TEX36: variants seen among roughly 807,000 people sequenced by gnomAD.
TEX36 encodes testis expressed 36.
TEX36 carries 12 observed loss-of-function variants against 13.6 expected under a neutral mutation model. The observed-to-expected ratio is 0.88, with a 90% CI of 0.56 to 1.43. The LOEUF (loss-of-function observed/expected upper bound fraction) is 1.43. Ranked by LOEUF, TEX36 falls within the 40% of genes most tolerant of loss-of-function variation. The pLI is 0.00. For missense variants in TEX36, 224 were observed against 228.3 expected, an observed-to-expected ratio of 0.98 and a Z score of 0.12; for synonymous variants, 93 against 83.0, an observed-to-expected ratio of 1.12 and a Z score of -0.65.
At chr10:125,643,365 T>C (rs933699288) in intron 3 of TEX36, among the ~76,000 whole-genome samples, 2 of 152,084 alleles carry the variant, frequency 1.3e-5, no homozygotes, top group Admixed American at 6.6e-5. Context: ...CCCAGCACAT[T>C]GGGAGGCTGA....
rs1275982151 is a variant in TEX36, at chr10:125,673,729, AAAAAG to A, written c.51+9205_51+9209del. Among the ~76,000 whole-genome samples, 769 of 151,610 alleles carry A rather than the reference AAAAAG, an allele frequency of 5.1e-3. 10 individuals are homozygous for A. The highest frequency in any genetic ancestry group is 0.018 in the African/African-American group (728 of 41,178). On this transcript the variant is annotated intron_variant, in intron 1 of 3. Transcript: ENST00000368821. ...CTCTCTCAAAAAAAAAAAAAAAAAA[AAAAAG>A]GTTGAATATTGACCCCCAGTCTCTT... is the stretch of plus-strand genomic sequence containing the variant.
chr10:125,606,305 C>T (rs1045898966), intron 3 of TEX36, among the ~76,000 whole-genome samples: 1 of 152,242 alleles, frequency 6.6e-6, no homozygotes, highest in Admixed American at 6.5e-5. Flanking sequence ...CCGTAGACCA[C>T]ATCTTCCTTT....
chr10:125,673,814 T>C (rs1159631133), intron 1 of TEX36, among the ~76,000 whole-genome samples: 1 of 152,138 alleles, frequency 6.6e-6, no homozygotes, highest in African/African-American at 2.4e-5. Flanking sequence ...GGGTTTCCAT[T>C]TGTAAGTGAC....
chr10:125,576,672 C>G, exon 4 of TEX36: 1 of 1,505,028 alleles, frequency 6.6e-7, no homozygotes, highest in Non-Finnish European at 8.9e-7. Context: ...ACAAAAGGTC[C>G]TTTTCTTCCC....
intron 3 of TEX36, among the ~76,000 whole-genome samples, chr10:125,602,024 CAAG>C (rs1377086208): frequency 2.0e-5 from 3 of 152,200 alleles, no homozygotes; most frequent in Admixed American, 6.5e-5. Flanking sequence ...AGATTTATAG[CAAG>C]ATCCAGGGAG....
intron 3 of TEX36, among the ~76,000 whole-genome samples, chr10:125,612,609 G>A (rs1846304387): frequency 6.6e-6 from 1 of 152,084 alleles, no homozygotes; most frequent in Non-Finnish European, 1.5e-5. Context: ...GCAGCCAGAA[G>A]TCTGCCTTGG....
chr10:125,607,798 G>A (rs1241720617), intron 3 of TEX36, among the ~76,000 whole-genome samples: 1 of 152,004 alleles, frequency 6.6e-6, no homozygotes, highest in Non-Finnish European at 1.5e-5. Flanking sequence ...AAATGACTGA[G>A]GCAATGAGCT....
downstream of TEX36, among the ~76,000 whole-genome samples, chr10:125,617,287 T>C (rs1290851010): frequency 2.0e-5 from 3 of 152,122 alleles, no homozygotes; most frequent in Admixed American, 6.5e-5. Flanking sequence ...TCCATTTACA[T>C]TTAAAGTTAA....
intron 3 of TEX36, among the ~76,000 whole-genome samples, chr10:125,600,985 T>A (rs917348388): frequency 6.6e-6 from 1 of 152,260 alleles, no homozygotes; most frequent in African/African-American, 2.4e-5. Flanking sequence ...GTGTATTTGC[T>A]GAGTCCAAAA....
chr10:125,585,043 T>A (rs534880434), intron 3 of TEX36, among the ~76,000 whole-genome samples: 1 of 152,310 alleles, frequency 6.6e-6, no homozygotes, highest in South Asian at 2.1e-4. Context: ...AACCTGCTGA[T>A]ACTTTCTTAG....
chr10:125,625,140 G>A (rs1364745283), intron 3 of TEX36, among the ~76,000 whole-genome samples: 1 of 152,182 alleles, frequency 6.6e-6, no homozygotes, highest in Admixed American at 6.5e-5. Context: ...CCATCACTCA[G>A]CTTTTCTCAG....
intron 3 of TEX36, among the ~76,000 whole-genome samples, chr10:125,592,992 A>T (rs1846039746): frequency 6.6e-6 from 1 of 152,054 alleles, no homozygotes; most frequent in Non-Finnish European, 1.5e-5. Flanking sequence ...AGCTCTCCAA[A>T]CCCTGCCCGT....
chr10:125,598,348 A>G (rs980922429), intron 3 of TEX36, among the ~76,000 whole-genome samples: 8 of 152,202 alleles, frequency 5.3e-5, no homozygotes, highest in African/African-American at 1.9e-4. Flanking sequence ...AAACTGGGTT[A>G]GTTTTTTGGC....
intron 3 of TEX36, among the ~76,000 whole-genome samples, chr10:125,643,606 G>A (rs1036674311): frequency 6.6e-6 from 1 of 152,086 alleles, no homozygotes; most frequent in African/African-American, 2.4e-5. Flanking sequence ...GCCAGGCTTG[G>A]TGGCGGGTGC....
intron 3 of TEX36, among the ~76,000 whole-genome samples, chr10:125,625,467 T>C (rs2043292148): frequency 6.6e-6 from 1 of 152,230 alleles, no homozygotes; most frequent in South Asian, 2.1e-4. Context: ...TCTGGATCAG[T>C]TCATAGTTTA....
At chr10:125,594,149 C>T (rs202166766) in intron 3 of TEX36, among the ~76,000 whole-genome samples, 3 of 152,284 alleles carry the variant, frequency 2.0e-5, no homozygotes, top group East Asian at 3.9e-4. Flanking sequence ...AGAGGGACCC[C>T]ACCTTACTTT....
chr10:125,642,100 GT>G (rs1359654887), intron 3 of TEX36, among the ~76,000 whole-genome samples: 68 of 152,266 alleles, frequency 4.5e-4, no homozygotes, highest in African/African-American at 1.6e-3. Flanking sequence ...TGTCACTCCT[GT>G]TAGAGACTGT....
chr10:125,679,013 A>T (rs1302334546), intron 1 of TEX36, among the ~76,000 whole-genome samples: 3 of 152,016 alleles, frequency 2.0e-5, no homozygotes, highest in Non-Finnish European at 4.4e-5. Flanking sequence ...TGGTGGCCAC[A>T]GTCTGGGCTG....
chr10:125,605,840 G>A (rs1055059292), intron 3 of TEX36, among the ~76,000 whole-genome samples: 3 of 152,184 alleles, frequency 2.0e-5, no homozygotes, highest in African/African-American at 7.2e-5. Context: ...GACCTCAGGT[G>A]ATCTGCCTTC....
Sources: gnomAD v4.1 joint callset for allele counts (sites outside exome capture counted in the v4.1 genomes callset) on GRCh38, gnomAD v4.1.1 for gene constraint, MANE v1.5 for transcripts, NCBI Gene and HGNC (gene_info 2026-07-23, HGNC 2026-07-21) for gene names.